Variants in CBR4 observed in about 807,000 individuals in gnomAD.
The protein encoded by CBR4 is carbonyl reductase 4.
A neutral mutation model predicts 21.0 loss-of-function variants in CBR4; 22 were observed. That is an observed-to-expected ratio of 1.05 (90% CI 0.75 to 1.50). The LOEUF is 1.50. Among genes scored for constraint, CBR4 ranks in the 40% most tolerant of loss-of-function variants. The pLI, the probability that CBR4 is intolerant of heterozygous loss-of-function variation, is 0.00. For missense variants in CBR4, 302 were observed against 286.3 expected, an observed-to-expected ratio of 1.05 and a Z score of -0.40; for synonymous variants, 100 against 104.4, an observed-to-expected ratio of 0.96 and a Z score of 0.26.
At chr4:169,006,915 T>C (rs941714360) in intron 2 of CBR4, 24 bp from the exon 3 acceptor site, 4 of 1,569,836 alleles carry the variant, frequency 2.5e-6, no homozygotes, top group Admixed American at 1.7e-5. Context: ...CAGCATATAA[T>C]AGCATATAAT....
chr4:168,944,211 G>A (rs553814228), intron 2 of CBR4, among the ~76,000 whole-genome samples: 19 of 152,190 alleles, frequency 1.2e-4, no homozygotes, highest in South Asian at 4.2e-4. Flanking sequence ...TTGGGAGGCC[G>A]AAGTGGGAGG....
At chr4:168,959,767 G>A (rs770465344) in intron 2 of CBR4, among the ~76,000 whole-genome samples, 7 of 150,466 alleles carry the variant, frequency 4.7e-5, no homozygotes, top group Non-Finnish European at 7.4e-5. Context: ...GTTTCACCTT[G>A]TTGGTCAGGC....
intron 4 of CBR4, among the ~76,000 whole-genome samples, chr4:168,995,766 T>C (rs1468381657): frequency 6.6e-6 from 1 of 152,004 alleles, no homozygotes; most frequent in African/African-American, 2.4e-5. Context: ...TCCTGGAGAG[T>C]TAGACGTTTC....
At chr4:168,973,445 A>T (rs1221817331) in intron 2 of CBR4, among the ~76,000 whole-genome samples, 1 of 152,186 alleles carries the variant, frequency 6.6e-6, no homozygotes, top group African/African-American at 2.4e-5. Flanking sequence ...CTCCTGCCTC[A>T]GCCTCCCAAG....
intron 2 of CBR4, among the ~76,000 whole-genome samples, chr4:168,929,107 C>A (rs1762877397): frequency 6.6e-6 from 1 of 151,864 alleles, no homozygotes; most frequent in South Asian, 2.1e-4. Context: ...TACAAGGATA[C>A]ATAAAATACA....
At chr4:168,943,684 T>C (rs1304566764) in intron 2 of CBR4, among the ~76,000 whole-genome samples, 1 of 151,766 alleles carries the variant, frequency 6.6e-6, no homozygotes, top group Non-Finnish European at 1.5e-5. Context: ...CTGAGACGGG[T>C]GGATCACCTG....
At chr4:168,931,619 C>A (rs1466941551) in intron 2 of CBR4, among the ~76,000 whole-genome samples, 3 of 151,658 alleles carry the variant, frequency 2.0e-5, no homozygotes, top group African/African-American at 7.3e-5. Context: ...GGCAGACACA[C>A]CCCCAGGCCA....
chr4:168,904,422 T>C (rs1757193064), intron 2 of CBR4, among the ~76,000 whole-genome samples: 1 of 152,212 alleles, frequency 6.6e-6, no homozygotes, highest in Admixed American at 6.5e-5. Flanking sequence ...CAAAATGTTT[T>C]CTCTTGTATT....
At position 168,911,457 on chromosome 4, in the gene CBR4, C is replaced by T. The variant is rs193203535; in HGVS notation, n.170-16692G>A. Among the ~76,000 whole-genome samples, 71 of 152,280 alleles carry T rather than the reference C, an allele frequency of 4.7e-4. 1 individual carries two copies. In the East Asian group the frequency reaches 9.3e-3, roughly 20 times the overall value. ...AAAGCACATAATAAGGAAGCCATATCCCACATCAGGACAATTGGAAGCTAT... is the reference window on the plus strand; with the variant it reads ...AAAGCACATAATAAGGAAGCCATATTCCACATCAGGACAATTGGAAGCTAT... On this transcript the variant is annotated intron_variant and non_coding_transcript_variant, in intron 2 of 3. Coordinates refer to the CBR4 transcript ENST00000509108.
At position 169,009,527 on chromosome 4, in the gene CBR4, G is replaced by A. The variant is rs144150543; in HGVS notation, c.142+421C>T. Among the ~76,000 whole-genome samples the A allele has an allele frequency of 6.8e-4, 104 of 152,328 alleles. 2 individuals carry two copies. In the East Asian group the frequency reaches 0.019, roughly 28 times the overall value. The stretch of plus-strand genomic sequence containing the variant: ...TGGTACCTGCACTCCCACCTTTCCT[G>A]CCTGAACTCCTTTCGACCCAGCCCT... On this transcript the variant is annotated intron_variant, in intron 1 of 4. Transcript: ENST00000306193.
intron 2 of CBR4, among the ~76,000 whole-genome samples, chr4:168,949,544 T>C (rs890824103): frequency 2.0e-5 from 3 of 152,174 alleles, no homozygotes; most frequent in Non-Finnish European, 4.4e-5. Context: ...TTGTCCCTTG[T>C]ATGCTGATTT....
At chr4:168,941,232 C>A (rs1241120543) in intron 2 of CBR4, among the ~76,000 whole-genome samples, 2 of 152,038 alleles carry the variant, frequency 1.3e-5, no homozygotes, top group Non-Finnish European at 2.9e-5. Flanking sequence ...TGTAAATGAC[C>A]AATTGATGGG....
At chr4:168,934,282 C>CA (rs60538970) in intron 2 of CBR4, among the ~76,000 whole-genome samples, 1,780 of 18,212 alleles carry the variant, frequency 0.098, 96 homozygotes, top group African/African-American at 0.14. Context: ...GCAAAAAAAA[C>CA]AAAAAAAAAA....
rs532757659 is a variant in CBR4 at position 168,919,913 on chromosome 4, C to T, written n.170-25148G>A. ...AGAAAAAAGGTACAAGGGGCATTCT[C>T]TTTGCCCTAGCATGAGTAACTATCC... On this transcript the variant is annotated intron_variant and non_coding_transcript_variant, in intron 2 of 3. Transcript: ENST00000509108. Among the ~76,000 whole-genome samples the T allele has an allele frequency of 3.3e-5, 5 of 152,316 alleles. No individual in the cohort carries two copies. In the East Asian group the frequency reaches 9.7e-4, roughly 29 times the overall value.
At chr4:168,941,286 T>C (rs1357357199) in intron 2 of CBR4, among the ~76,000 whole-genome samples, 1 of 152,104 alleles carries the variant, frequency 6.6e-6, no homozygotes, top group Non-Finnish European at 1.5e-5. Flanking sequence ...GTAACAAACC[T>C]GCACGTTCTG....
chr4:168,927,311 T>C (rs773353973), intron 2 of CBR4: 1 of 232,082 alleles, frequency 4.3e-6, no homozygotes, highest in Non-Finnish European at 8.5e-6. Context: ...AGGCTTTTCT[T>C]TGGTTTTCTT....
At chr4:169,009,686 A>G (rs910229836) in intron 1 of CBR4, among the ~76,000 whole-genome samples, 9 of 152,258 alleles carry the variant, frequency 5.9e-5, no homozygotes, top group South Asian at 2.1e-4. Context: ...CGGGGCCTCA[A>G]AAGACTACGA....
chr4:168,986,731 C>A (rs1358807089), downstream of CBR4, among the ~76,000 whole-genome samples: 1 of 152,090 alleles, frequency 6.6e-6, no homozygotes, highest in Non-Finnish European at 1.5e-5. Flanking sequence ...CCACTTGAGG[C>A]CAGGAGTTCA....
At chr4:168,955,377 T>C (rs541816585) in intron 2 of CBR4, among the ~76,000 whole-genome samples, 18 of 152,358 alleles carry the variant, frequency 1.2e-4, no homozygotes, top group Admixed American at 3.3e-4. Flanking sequence ...TGTTAATATA[T>C]AACTGATAAA....
Sources: gnomAD v4.1 joint callset for allele counts (sites outside exome capture counted in the v4.1 genomes callset) on GRCh38, gnomAD v4.1.1 for gene constraint, MANE v1.5 for transcripts, NCBI Gene and HGNC (gene_info 2026-07-23, HGNC 2026-07-21) for gene names.